Variants in SHQ1 observed in about 807,000 individuals in gnomAD.
The protein encoded by SHQ1 is SHQ1, H/ACA ribonucleoprotein assembly factor.
Under a neutral mutation model 53.8 loss-of-function variants are expected in SHQ1, and 49 were observed. The observed-to-expected ratio is 0.91, with a 90% CI of 0.72 to 1.16. The LOEUF is 1.16. Ranked by LOEUF, SHQ1 falls within the 50% of genes most tolerant of loss-of-function variation. SHQ1 has a pLI of 0.00. For synonymous variants in SHQ1, 243 were observed against 251.0 expected (o/e 0.97, Z 0.30); for missense variants, 738 against 683.1 (o/e 1.08, Z -0.90).
At chr3:72,797,155 G>T (rs993540090) in intron 9 of SHQ1, among the ~76,000 whole-genome samples, 5 of 152,100 alleles carry the variant, frequency 3.3e-5, no homozygotes, top group Non-Finnish European at 7.4e-5. Flanking sequence ...CTACTTGGGA[G>T]GCTGAGGCGA....
intron 10 of SHQ1, among the ~76,000 whole-genome samples, chr3:72,775,801 C>T (rs921951360): frequency 6.6e-6 from 1 of 152,086 alleles, no homozygotes; most frequent in African/African-American, 2.4e-5. Flanking sequence ...TTTTTAAGAT[C>T]ATCCCAAGGA....
chr3:72,745,678 A>G (rs1168244849), downstream of SHQ1, among the ~76,000 whole-genome samples: 1 of 152,166 alleles, frequency 6.6e-6, no homozygotes, highest in Non-Finnish European at 1.5e-5. Flanking sequence ...CTGGGAAGTC[A>G]GACAATAATA....
At chr3:72,765,813 A>C (rs1198921490) in intron 10 of SHQ1, among the ~76,000 whole-genome samples, 1 of 152,050 alleles carries the variant, frequency 6.6e-6, no homozygotes, top group African/African-American at 2.4e-5. Context: ...TTGGCCTCCC[A>C]AAGTTCTAGG....
intron 10 of SHQ1, among the ~76,000 whole-genome samples, chr3:72,774,496 C>T (rs1705916428): frequency 2.0e-5 from 3 of 152,018 alleles, no homozygotes; most frequent in Non-Finnish European, 4.4e-5. Flanking sequence ...GGCAGAAATG[C>T]AATTAAGTTA....
At chr3:72,833,524 G>A (rs1274224004) in intron 4 of SHQ1, among the ~76,000 whole-genome samples, 3 of 142,292 alleles carry the variant, frequency 2.1e-5, no homozygotes, top group Admixed American at 7.3e-5. Flanking sequence ...ACAGATAGAT[G>A]GATGATAGAC....
At chr3:72,780,693 G>A (rs1351207436) in intron 10 of SHQ1, among the ~76,000 whole-genome samples, 1 of 152,182 alleles carries the variant, frequency 6.6e-6, no homozygotes, top group Non-Finnish European at 1.5e-5. Context: ...AAAGTGGCAA[G>A]AGTCAGGAGA....
rs1157236478 is a variant in SHQ1 at position 72,788,396 on chromosome 3, A to C, written c.1181+4520T>G. The stretch of plus-strand genomic sequence containing the variant: ...ATCTGGGAGGTGAGGAGCATCTCTG[A>C]CCAGCCGCCCCGTCTGAGAAGTGAG... On this transcript the variant is annotated intron_variant, in intron 10 of 10. Transcript: ENST00000325599. Among the ~76,000 whole-genome samples, 3 of 144,896 alleles carry C rather than the reference A, an allele frequency of 2.1e-5. No homozygotes were observed. The East Asian group carries it at 6.2e-4, about 30-fold the overall frequency.
intron 10 of SHQ1, among the ~76,000 whole-genome samples, chr3:72,756,126 T>C (rs1328927270): frequency 6.6e-6 from 1 of 152,174 alleles, no homozygotes; most frequent in Non-Finnish European, 1.5e-5. Flanking sequence ...CTCCAACTCC[T>C]GGGCTCAAGT....
rs555596651 is a variant in SHQ1 at position 72,824,575 on chromosome 3, TTAC to T, written c.600-27_600-25del. The T allele has an allele frequency of 2.6e-4, 423 of 1,600,294 alleles. 1 individual carries two copies. The African/African-American group carries it at 5.3e-3, about 20-fold the overall frequency. On this transcript the variant is annotated intron_variant, in intron 5 of 10. Transcript: ENST00000325599. ...CTCTAGGAAAAAACATTGAAAGAAC[TTAC>T]TATACAGGATTTCACTGGCTTTTAC...
At position 72,841,139 on chromosome 3, in the gene SHQ1, T is replaced by C. The variant is rs1708168902; in HGVS notation, c.392A>G (p.Gln131Arg). The C allele has an allele frequency of 2.5e-6, 4 of 1,613,860 alleles. No individual in the cohort carries two copies. The highest frequency in any genetic ancestry group is 2.7e-5 in the African/African-American group (2 of 74,932). ...TTCTGATACCTCTTCACAGGGTGTCTGCTCAATTTCCCAATCAAACTCTTC... is the reference window on the plus strand; with the variant it reads ...TTCTGATACCTCTTCACAGGGTGTCCGCTCAATTTCCCAATCAAACTCTTC... ...DDEEFDWEIEQTPCEEVSESA... is the reference protein window; with the variant it reads ...DDEEFDWEIERTPCEEVSESA... Residue 131 changes from glutamine to arginine, a missense_variant, in exon 4 of 11, where the codon CAG (glutamine) becomes CGG (arginine). Physicochemically the swap from Gln to Arg is conservative, Grantham distance 43. Coordinates refer to ENST00000325599, the MANE Select transcript of SHQ1 (RefSeq NM_018130.3).
chr3:72,835,820 T>C (rs1373000250), intron 4 of SHQ1, among the ~76,000 whole-genome samples: 2 of 152,210 alleles, frequency 1.3e-5, no homozygotes, highest in Non-Finnish European at 2.9e-5. Flanking sequence ...TCAGTGCAAA[T>C]GTCACTTTCT....
At chr3:72,808,702 C>T (rs1707030093) in intron 9 of SHQ1, among the ~76,000 whole-genome samples, 1 of 152,148 alleles carries the variant, frequency 6.6e-6, no homozygotes. Context: ...GGTGTCCGAA[C>T]AAACGAGCCT....
intron 9 of SHQ1, among the ~76,000 whole-genome samples, chr3:72,808,489 T>C (rs1707021511): frequency 6.6e-6 from 1 of 152,148 alleles, no homozygotes; most frequent in Non-Finnish European, 1.5e-5. Context: ...CCTGGGCCAC[T>C]GACTTCACTT....
chr3:72,795,456 C>T (rs1706578405), intron 9 of SHQ1: 1 of 152,128 alleles, frequency 6.6e-6, no homozygotes, highest in Admixed American at 6.5e-5. Flanking sequence ...AATTTGCAGG[C>T]ATGATGAAAC....
At chr3:72,798,443 A>G (rs1307419327) in intron 9 of SHQ1, among the ~76,000 whole-genome samples, 3 of 152,206 alleles carry the variant, frequency 2.0e-5, no homozygotes, top group South Asian at 2.1e-4. Context: ...TACTTCGGGG[A>G]AAGACTAATG....
At chr3:72,728,417 C>T in the SHQ1 span, among the ~76,000 whole-genome samples, 1 of 152,208 alleles carries the variant, frequency 6.6e-6, no homozygotes. Context: ...CTTTGCCCTG[C>T]ACTAGAGGCC....
intron 10 of SHQ1, among the ~76,000 whole-genome samples, chr3:72,788,894 G>C (rs1213435322): frequency 1.3e-5 from 2 of 152,002 alleles, no homozygotes; most frequent in African/African-American, 4.8e-5. Flanking sequence ...CTCGTTAAGA[G>C]TCATCACCAC....
At chr3:72,793,214 C>T (rs760887913) in intron 9 of SHQ1, 178 bp from the exon 10 acceptor site, 8 of 508,284 alleles carry the variant, frequency 1.6e-5, no homozygotes, top group African/African-American at 1.0e-4. Flanking sequence ...TTAAGAATTA[C>T]ATACAATCTT....
chr3:72,735,524 G>C, the SHQ1 span, among the ~76,000 whole-genome samples: 1 of 139,650 alleles, frequency 7.2e-6, no homozygotes, highest in Admixed American at 7.5e-5. Context: ...CATGCTATTG[G>C]CCAAAGCAAG....
Sources: allele counts gnomAD v4.1 joint callset (sites outside exome capture counted in the v4.1 genomes callset), GRCh38; gene constraint gnomAD v4.1.1; transcripts MANE v1.5; gene names NCBI Gene and HGNC (gene_info 2026-07-23, HGNC 2026-07-21).